Variants in TELO2 observed in about 807,000 individuals in gnomAD.
TELO2 encodes the protein telomere length regulation protein TEL2 homolog.
TELO2 carries 71 observed loss-of-function variants against 91.0 expected under a neutral mutation model. The observed-to-expected ratio is 0.78, with a 90% CI of 0.64 to 0.95. The LOEUF is 0.95. Among genes scored for constraint, TELO2 ranks in the 40% least tolerant of loss-of-function variants. The pLI is 0.00. For synonymous variants in TELO2, 584 were observed against 518.9 expected (o/e 1.13, Z -1.71); for missense variants, 1,183 against 1,141.3 (o/e 1.04, Z -0.53).
Position 1,506,236 on chromosome 16 carries a change from AG to A in TELO2, c.2036del, listed in dbSNP as rs1351605691. The A allele has an allele frequency of 6.2e-7, 1 of 1,613,402 alleles. No individual in the cohort carries two copies. Among genetic ancestry groups the A allele is most frequent in the African/African-American group, 1.3e-5 (1 of 74,914 alleles). The stretch of plus-strand genomic sequence containing the variant: ...CGTGATCGCTGTAGTTGTGTCTGGC[AG>A]GGTGGCCCGAGGCAGGGCCCGGCAG... On this transcript the variant is annotated splice_acceptor_variant, in intron 16 of 20. Coordinates refer to ENST00000262319, the MANE Select transcript of TELO2 (RefSeq NM_016111.4). LOFTEE classifies it high-confidence loss of function.
rs745586183 is a variant in TELO2, at chr16:1,494,424, C to T, written c.143C>T (p.Pro48Leu). 2.5e-6 allele frequency: 4 copies of T among 1,613,432 alleles called. No individual in the cohort carries two copies. Among genetic ancestry groups the T allele is most frequent in the Non-Finnish European group, 3.4e-6 (4 of 1,179,992 alleles). The change falls in exon 2 of 21, where the codon CCG becomes CTG. Residue 48 changes from proline to leucine, a missense_variant. Coordinates refer to ENST00000262319, the MANE Select transcript of TELO2 (RefSeq NM_016111.4). This position sits in a 1 kb window ranked among gnomAD's most constrained non-coding sequence, Gnocchi z 5.6. ...YLGEMEPPAL[P>L]REKEEFASAH... is the part of the protein sequence containing the mutation. Reference sequence around the variant, plus strand: ...GGTGAGATGGAGCCTCCAGCGCTCCCGAGGGAGAAGGAGGAGTTTGCCTCG... The same window carrying T: ...GGTGAGATGGAGCCTCCAGCGCTCCTGAGGGAGAAGGAGGAGTTTGCCTCG...
At position 1,500,584 on chromosome 16, in the gene TELO2, C is replaced by T. The variant is rs781442364; in HGVS notation, c.1166C>T (p.Ala389Val). Residue 389 changes from alanine to valine, a missense_variant, in exon 9 of 21, where the codon GCG (alanine) becomes GTG (valine). Ala to Val is a moderately conservative substitution (Grantham distance 64, BLOSUM62 0). Transcript: ENST00000262319. ...GCAGAACTGCTGGCCAGCATGATGG[C>T]GGGCGTGAAGTGCCGCCTGGACAGT... ...SRDELLASMM[A>V]GVKCRLDSSL... 2.7e-5 allele frequency: 44 copies of T among 1,611,738 alleles called. No homozygotes were observed. Among genetic ancestry groups the T allele is most frequent in the Admixed American group, 1.3e-4 (8 of 59,920 alleles).
intron 15 of TELO2, among the ~76,000 whole-genome samples, chr16:1,504,236 C>G (rs2039803824): frequency 6.6e-6 from 1 of 151,288 alleles, no homozygotes; most frequent in Non-Finnish European, 1.5e-5. Context: ...AGTTCAAGAC[C>G]AGCCTCGCCA....
rs1330862343 is a variant in TELO2 at position 1,505,231 on chromosome 16, T to G, written c.1843-179T>G. ...TGCCCACCTTCCCCACCTTCCCGCC[T>G]ACCAAGGCGCGGTTGCTGTGAGCTA... is the stretch of plus-strand genomic sequence containing the variant. On this transcript the variant is annotated intron_variant, in intron 15 of 20. Transcript: ENST00000262319. This position sits in a 1 kb window ranked among gnomAD's most constrained non-coding sequence, Gnocchi z 4.3. 1.4e-6 allele frequency: 1 copy of G among 691,000 alleles called. No homozygotes were observed. Among genetic ancestry groups the G allele is most frequent in the East Asian group, 2.8e-5 (1 of 36,192 alleles). The allele number at this position is 691,000 out of a possible 1,614,324, so 42.8% of individuals were successfully genotyped here.
At chr16:1,500,770 C>G (rs1437472629) in intron 9 of TELO2, 71 bp downstream of exon 9, 2 of 1,568,320 alleles carry the variant, frequency 1.3e-6, no homozygotes, top group Non-Finnish European at 1.7e-6. Flanking sequence ...CTCTCCAGCC[C>G]CAGGGTCACC....
intron 3 of TELO2, among the ~76,000 whole-genome samples, chr16:1,496,483 A>G (rs770292334): frequency 2.6e-5 from 4 of 152,216 alleles, no homozygotes; most frequent in Non-Finnish European, 4.4e-5. Flanking sequence ...CATCTCGGAC[A>G]CATGTGGAAT....
At position 1,500,662 on chromosome 16, in the gene TELO2, C is replaced by T. The variant is rs747900412; in HGVS notation, c.1244C>T (p.Ala415Val). Residue 415 changes from alanine to valine, a missense_variant, in exon 9 of 21, where the codon GCC becomes GTC. Coordinates refer to ENST00000262319, the MANE Select transcript of TELO2 (RefSeq NM_016111.4). ...LGMIVAEVVS[A>V]RIHPEGPPLK... ...ATGATCGTGGCAGAGGTCGTTAGTGCCCGGATCCACCCCGAGGGGCCTCCC... is the reference window on the plus strand; with the variant it reads ...ATGATCGTGGCAGAGGTCGTTAGTGTCCGGATCCACCCCGAGGGGCCTCCC... 1.2e-6 allele frequency: 2 copies of T among 1,612,450 alleles called. No homozygotes were observed. The highest frequency in any genetic ancestry group is 1.3e-5 in the African/African-American group (1 of 74,930).
At chr16:1,496,063 G>T (rs770259624) in intron 3 of TELO2, among the ~76,000 whole-genome samples, 1 of 152,244 alleles carries the variant, frequency 6.6e-6, no homozygotes, top group Admixed American at 6.5e-5. Flanking sequence ...TTTCACTAGC[G>T]AGAAGGAGGC....
Position 1,510,376 on chromosome 16 carries a change from G to T in TELO2, c.*440G>T, listed in dbSNP as rs1223174697. On this transcript the variant is annotated 3_prime_UTR_variant, in exon 21 of 21. Transcript: ENST00000262319. ...GAATAGTGCTCACAGCCCAGGCAGG[G>T]TGTGTGGCTCCTGGATGGGCTCGTG... The T allele has an allele frequency of 8.9e-6, 2 of 224,746 alleles. No homozygotes were observed. Among genetic ancestry groups the T allele is most frequent in the Admixed American group, 5.2e-5 (1 of 19,164 alleles). The allele number at this position is 224,746 out of a possible 1,614,324, so 13.9% of individuals were successfully genotyped here. A position where few individuals can be genotyped will look rare whatever the true frequency, so the allele number is the denominator to read the frequency against.
rs2039411862 is a variant in TELO2, at chr16:1,494,570, G to A, written c.289G>A (p.Asp97Asn). The stretch of plus-strand genomic sequence containing the variant: ...CAGCTTCTTCCTGGAGGGCCCGGCG[G>A]ACCAAGCCTTCCTGGTGTTGATGGA... ...WASFFLEGPA[D>N]QAFLVLMETI... is the part of the protein sequence containing the mutation. The change falls in exon 2 of 21, where the codon GAC becomes AAC. Residue 97 changes from aspartate to asparagine, a missense_variant. By Grantham distance (23) the Asp-to-Asn change is conservative (BLOSUM62 1). Transcript: ENST00000262319. This position sits in a 1 kb window ranked among gnomAD's most constrained non-coding sequence, Gnocchi z 5.6. The A allele has an allele frequency of 2.5e-6, 4 of 1,613,458 alleles. No individual in the cohort carries two copies. Among genetic ancestry groups the A allele is most frequent in the Non-Finnish European group, 3.4e-6 (4 of 1,179,974 alleles).
In TELO2 at chr16:1,494,211, C is replaced by A; in HGVS notation, c.-36-35C>A. On this transcript the variant is annotated intron_variant, in intron 1 of 20. Transcript: ENST00000262319. The surrounding 1 kb of genome is among the most constrained non-coding windows in gnomAD (Gnocchi z 5.6). Reference sequence around the variant, plus strand: ...TTCCTGAGCTTGTGTGGATTATTTCCGTGCCCCAAGCTGAGCCCTGTGTCC... The same window carrying A: ...TTCCTGAGCTTGTGTGGATTATTTCAGTGCCCCAAGCTGAGCCCTGTGTCC... 2 of 1,453,560 alleles carry A rather than the reference C, an allele frequency of 1.4e-6. No individual in the cohort carries two copies. The highest frequency in any genetic ancestry group is 9.4e-7 in the Non-Finnish European group (1 of 1,061,332). The allele number at this position is 1,453,560 out of a possible 1,614,324, so 90.0% of individuals were successfully genotyped here. A position where few individuals can be genotyped will look rare whatever the true frequency, so the allele number is the denominator to read the frequency against.
At position 1,500,339 on chromosome 16, in the gene TELO2, A is replaced by T. The variant is rs765151173; in HGVS notation, c.1003-8A>T. The T allele has an allele frequency of 1.9e-6, 3 of 1,579,626 alleles. No individual in the cohort carries two copies. Among genetic ancestry groups the T allele is most frequent in the East Asian group, 2.3e-5 (1 of 43,442 alleles). Reference sequence around the variant, plus strand: ...GCCCCACACAGTCGTGGGCCATGCCACCTGCAGGTGCTGAAGGAGCTGTTG... The same window carrying T: ...GCCCCACACAGTCGTGGGCCATGCCTCCTGCAGGTGCTGAAGGAGCTGTTG... On this transcript the variant is annotated splice_polypyrimidine_tract_variant and splice_region_variant and intron_variant, in intron 7 of 20. Transcript: ENST00000262319.
chr16:1,499,024 C>G (rs984377875), intron 5 of TELO2, among the ~76,000 whole-genome samples: 2 of 152,160 alleles, frequency 1.3e-5, no homozygotes, highest in South Asian at 4.1e-4. Context: ...CTGCGGTGCA[C>G]GCGCTCTCTG....
At position 1,500,668 on chromosome 16, in the gene TELO2, T is replaced by A. The variant is rs201198027; in HGVS notation, c.1250T>A (p.Ile417Asn). 6.2e-7 allele frequency: 1 copy of A among 1,612,524 alleles called. No homozygotes were observed. Among genetic ancestry groups the A allele is most frequent in the African/African-American group, 1.3e-5 (1 of 75,042 alleles). The stretch of plus-strand genomic sequence containing the variant: ...GTGGCAGAGGTCGTTAGTGCCCGGA[T>A]CCACCCCGAGGGGCCTCCCCTGAAA... ...MIVAEVVSAR[I>N]HPEGPPLKFQ... Residue 417 changes from isoleucine (I) to asparagine (N), a missense_variant, in exon 9 of 21, where the codon ATC becomes AAC. Coordinates refer to ENST00000262319, the MANE Select transcript of TELO2 (RefSeq NM_016111.4).
intron 7 of TELO2, 91 bp downstream of exon 7, chr16:1,500,255 G>A: frequency 6.5e-7 from 1 of 1,529,998 alleles, no homozygotes; most frequent in South Asian, 1.2e-5. Flanking sequence ...AGGCTGGCTG[G>A]GCTGGGGCGG....
rs1358750201 is a variant in TELO2, at chr16:1,505,083, T to A, written c.1843-327T>A. 3.5e-6 allele frequency: 1 copy of A among 284,988 alleles called. No individual in the cohort carries two copies. Among genetic ancestry groups the A allele is most frequent in the Non-Finnish European group, 6.6e-6 (1 of 150,394 alleles). 17.7% of individuals were successfully genotyped at this position (284,988 alleles called of 1,614,324 possible). ...GCCCGTGGCACGTGCCGCTGCAGCG[T>A]TGCTTTTGCTGTGAGGCCGACTTCC... On this transcript the variant is annotated intron_variant, in intron 15 of 20. Coordinates refer to ENST00000262319, the MANE Select transcript of TELO2 (RefSeq NM_016111.4). The surrounding 1 kb of genome is among the most constrained non-coding windows in gnomAD (Gnocchi z 4.3).
At chr16:1,503,233 A>T (rs1227558550) in intron 15 of TELO2, among the ~76,000 whole-genome samples, 7 of 152,272 alleles carry the variant, frequency 4.6e-5, no homozygotes, top group Admixed American at 4.6e-4. Context: ...TTCACACGCC[A>T]TAAAATTCAC....
chr16:1,493,612 T>A lies in TELO2; in HGVS notation c.-37+7T>A, dbSNP rs568201537. The A allele has an allele frequency of 6.6e-6, 1 of 151,750 alleles. No individual in the cohort carries two copies. Among genetic ancestry groups the A allele is most frequent in the Non-Finnish European group, 1.5e-5 (1 of 67,980 alleles). The allele number at this position is 151,750 out of a possible 1,614,324, so 9.4% of individuals were successfully genotyped here. A position where few individuals can be genotyped will look rare whatever the true frequency, so the allele number is the denominator to read the frequency against. On this transcript the variant is annotated splice_region_variant and intron_variant, in intron 1 of 20. Transcript: ENST00000262319. This position sits in a 1 kb window ranked among gnomAD's most constrained non-coding sequence, Gnocchi z 4.3. ...ACCCGGGAGCCGGGTCCAGGTCGGG[T>A]TGGGGGTCGGGGATCGGGGATCGGG... is the stretch of plus-strand genomic sequence containing the variant.
In TELO2 at chr16:1,497,243, T is replaced by G. The variant is rs1245161482; in HGVS notation, c.683-118T>G. 8 of 1,492,992 alleles carry G rather than the reference T, an allele frequency of 5.4e-6. No individual in the cohort carries two copies. In the East Asian group the frequency reaches 1.7e-4, roughly 32 times the overall value. The allele number at this position is 1,492,992 out of a possible 1,614,324, so 92.5% of individuals were successfully genotyped here. On this transcript the variant is annotated intron_variant, in intron 4 of 20. Transcript: ENST00000262319. This position sits in a 1 kb window ranked among gnomAD's most constrained non-coding sequence, Gnocchi z 4.0. Reference sequence around the variant, plus strand: ...CCGGTCCTGTCCTGGGCCCGTGGGATCTGGGGCTCAGCTGTGCTTACTGGG... The same window carrying G: ...CCGGTCCTGTCCTGGGCCCGTGGGAGCTGGGGCTCAGCTGTGCTTACTGGG...
Sources: allele counts gnomAD v4.1 joint callset (sites outside exome capture counted in the v4.1 genomes callset), GRCh38; gene constraint gnomAD v4.1.1; non-coding constraint Gnocchi (gnomAD v3.1); transcripts MANE v1.5; gene names NCBI Gene and HGNC (gene_info 2026-07-23, HGNC 2026-07-21).